The following NAALAD2 variants were observed in gnomAD, a reference collection of about 807,000 sequenced individuals.
The protein encoded by NAALAD2 is N-acetylated-alpha-linked acidic dipeptidase 2.
NAALAD2 carries 89 observed loss-of-function variants against 95.6 expected under a neutral mutation model. The observed-to-expected ratio is 0.93, with a 90% CI of 0.78 to 1.11. NAALAD2 has a LOEUF of 1.11. Ranked by LOEUF, NAALAD2 falls within the 50% of genes least tolerant of loss-of-function variation. The probability of loss-of-function intolerance (pLI) is 0.00; values close to 1 mark genes in which losing one functional copy is unlikely to be tolerated. For synonymous variants in NAALAD2, 264 were observed against 294.4 expected, an observed-to-expected ratio of 0.90 and a Z score of 1.06; for missense variants, 894 against 872.4, an observed-to-expected ratio of 1.02 and a Z score of -0.31.
At chr11:90,170,618 A>C (rs1387145861) in intron 13 of NAALAD2, among the ~76,000 whole-genome samples, 1 of 152,236 alleles carries the variant, frequency 6.6e-6, no homozygotes, top group African/African-American at 2.4e-5. Flanking sequence ...ATGAGGAATT[A>C]GAATTCACTA....
At chr11:90,151,305 G>C (rs1328167217) in intron 5 of NAALAD2, among the ~76,000 whole-genome samples, 2 of 152,076 alleles carry the variant, frequency 1.3e-5, no homozygotes, top group African/African-American at 4.8e-5. Context: ...AAAGTGGCTG[G>C]TACTTAGTAA....
intron 11 of NAALAD2, chr11:90,164,110 A>G (rs924495048): frequency 1.2e-5 from 2 of 170,606 alleles, no homozygotes; most frequent in Admixed American, 1.2e-4. Flanking sequence ...ATACTTTAGC[A>G]TTTACAACAG....
intron 18 of NAALAD2, among the ~76,000 whole-genome samples, chr11:90,185,572 C>A (rs768597438): frequency 1.3e-5 from 2 of 152,042 alleles, no homozygotes; most frequent in Admixed American, 1.3e-4. Context: ...GAGGGTAAGG[C>A]AGGGGGATTG....
At chr11:90,174,527 A>T (rs531475336) in intron 14 of NAALAD2, among the ~76,000 whole-genome samples, 63 of 152,238 alleles carry the variant, frequency 4.1e-4, no homozygotes, top group African/African-American at 1.5e-3. Context: ...TAGGTGTATT[A>T]ATATATAATA....
intron 16 of NAALAD2, 49 bp from the exon 17 acceptor site, chr11:90,181,571 C>T: frequency 7.5e-7 from 1 of 1,330,050 alleles, no homozygotes; most frequent in Non-Finnish European, 1.1e-6. Context: ...GAAAGCGAAC[C>T]TCTGAAATAT....
In NAALAD2 at chr11:90,181,717, C is replaced by A; in HGVS notation, c.1940+16C>A. The A allele has an allele frequency of 2.9e-6, 4 of 1,384,080 alleles. No individual in the cohort carries two copies. Among genetic ancestry groups the A allele is most frequent in the Non-Finnish European group, 3.9e-6 (4 of 1,025,572 alleles). 85.7% of individuals were successfully genotyped at this position (1,384,080 alleles called of 1,614,324 possible). A position where few individuals can be genotyped will look rare whatever the true frequency, so the allele number is the denominator to read the frequency against. ...ATCTTAACAAGTAAGTTTCAAATCC[C>A]TTTTTTTTTAAAAAAAAAAAAAAAA... On this transcript the variant is annotated intron_variant, in intron 17 of 18. Coordinates refer to ENST00000534061, the MANE Select transcript of NAALAD2 (RefSeq NM_005467.4).
At chr11:90,137,690 A>G (rs1951486899) in intron 2 of NAALAD2, among the ~76,000 whole-genome samples, 1 of 152,142 alleles carries the variant, frequency 6.6e-6, no homozygotes, top group East Asian at 1.9e-4. Flanking sequence ...TGCAACCTCC[A>G]TGTCCTAGGC....
rs563266116 is a variant in NAALAD2 at position 90,191,584 on chromosome 11, A to G, written c.2060A>G (p.His687Arg). The change falls in exon 19 of 19, where the codon CAC becomes CGC. Residue 687 changes from histidine to arginine, a missense_variant. Coordinates refer to ENST00000534061, the MANE Select transcript of NAALAD2 (RefSeq NM_005467.4). ...CACATCATATTTGCTCCAAGTAGCC[A>G]CAACAAATATGCTGGAGAATCATTT... ...YRHIIFAPSS[H>R]NKYAGESFPG... 1.0e-4 allele frequency: 161 copies of G among 1,593,674 alleles called. 7 individuals carry two copies. In the South Asian group the frequency reaches 1.8e-3, roughly 18 times the overall value.
chr11:90,167,028 C>T (rs1952475296), intron 11 of NAALAD2, among the ~76,000 whole-genome samples: 1 of 152,188 alleles, frequency 6.6e-6, no homozygotes, highest in Admixed American at 6.5e-5. Flanking sequence ...TGAGAGGTGA[C>T]AGCATGCTGG....
At chr11:90,144,740 T>TAAAAAAAAAAAAAAAAAAAA (rs773275468) in intron 2 of NAALAD2, among the ~76,000 whole-genome samples, 2 of 90,930 alleles carry the variant, frequency 2.2e-5, no homozygotes, top group Non-Finnish European at 4.0e-5. Flanking sequence ...AAAACTCCAT[T>TAAAAAAAAAAAAAAAAAAAA]AAAAAAAAAA....
chr11:90,159,953 T>TAA (rs759940395), intron 8 of NAALAD2, among the ~76,000 whole-genome samples: 22 of 75,396 alleles, frequency 2.9e-4, no homozygotes, highest in African/African-American at 4.9e-4. Flanking sequence ...AAACTCCATC[T>TAA]AAAAAAAAAA....
At chr11:90,148,076 T>C (rs1249656783) in intron 3 of NAALAD2, among the ~76,000 whole-genome samples, 1 of 152,108 alleles carries the variant, frequency 6.6e-6, no homozygotes, top group African/African-American at 2.4e-5. Flanking sequence ...GTGTATGCTG[T>C]CCTAGGGAGC....
rs368525743 is a variant in NAALAD2 at position 90,182,946 on chromosome 11, A to G, written c.1971A>G (p.Gln657=). ...NPIAVRMMND[Q]LMLLERAFID... ...TTGCAGTGAGAATGATGAATGACCA[A>G]CTGATGCTCCTGGAAAGAGCATTCA... is the stretch of plus-strand genomic sequence containing the variant. The change falls in exon 18 of 19, where the codon CAA becomes CAG. Residue 657 remains glutamine (Q), a synonymous_variant. Coordinates refer to ENST00000534061, the MANE Select transcript of NAALAD2 (RefSeq NM_005467.4). 4.3e-5 allele frequency: 69 copies of G among 1,612,048 alleles called. 1 individual carries two copies. In the African/African-American group the frequency reaches 6.5e-4, roughly 15 times the overall value.
intron 16 of NAALAD2, among the ~76,000 whole-genome samples, chr11:90,180,843 T>C (rs999787746): frequency 6.6e-6 from 1 of 152,048 alleles, no homozygotes; most frequent in Non-Finnish European, 1.5e-5. Context: ...AAAGCAAAAC[T>C]TGAATTTGAA....
intron 14 of NAALAD2, among the ~76,000 whole-genome samples, chr11:90,175,345 T>C (rs970739209): frequency 2.6e-5 from 4 of 152,310 alleles, no homozygotes; most frequent in African/African-American, 7.2e-5. Context: ...TAAACAGTTA[T>C]GTTATTAATG....
Position 90,173,813 on chromosome 11 carries a change from T to C in NAALAD2, c.1411-11T>C. ...TACCCCTAATTTCCAGTATTTGATT[T>C]CTCTTTCCAGATCCCCAGCCCTGAT... is the stretch of plus-strand genomic sequence containing the variant. On this transcript the variant is annotated splice_polypyrimidine_tract_variant and intron_variant, in intron 13 of 18. Coordinates refer to ENST00000534061, the MANE Select transcript of NAALAD2 (RefSeq NM_005467.4). The C allele has an allele frequency of 6.2e-7, 1 of 1,600,060 alleles. No individual in the cohort carries two copies. The highest frequency in any genetic ancestry group is 1.1e-5 in the South Asian group (1 of 88,136).
intron 5 of NAALAD2, 51 bp downstream of exon 5, chr11:90,150,658 G>C (rs1951867171): frequency 7.4e-7 from 1 of 1,351,362 alleles, no homozygotes; most frequent in African/African-American, 1.5e-5. Flanking sequence ...TATATATTCT[G>C]TAAATGTAAA....
intron 6 of NAALAD2, among the ~76,000 whole-genome samples, chr11:90,155,448 T>G (rs1451408237): frequency 1.8e-5 from 2 of 110,750 alleles, no homozygotes; most frequent in Admixed American, 1.2e-4. Context: ...TAATATATAA[T>G]ATGTAATATG....
chr11:90,140,169 A>G (rs931686993), intron 2 of NAALAD2, among the ~76,000 whole-genome samples: 3 of 152,318 alleles, frequency 2.0e-5, no homozygotes, highest in African/African-American at 7.2e-5. Flanking sequence ...GTTTAAGCAG[A>G]TAGTCACCTC....
Sources: gnomAD v4.1 joint callset for allele counts (sites outside exome capture counted in the v4.1 genomes callset) on GRCh38, gnomAD v4.1.1 for gene constraint, MANE v1.5 for transcripts, NCBI Gene and HGNC (gene_info 2026-07-23, HGNC 2026-07-21) for gene names.